Variants in C3orf49 observed in about 807,000 individuals in gnomAD.
The protein encoded by C3orf49 is chromosome 3 open reading frame 49, also known as putative uncharacterized protein C3orf49.
A neutral mutation model predicts 13.3 loss-of-function variants in C3orf49; 27 were observed. The ratio of observed to expected loss-of-function variants is 2.02; its 90% CI spans 1.49 to 2.79. The LOEUF is 2.79. Among genes scored for constraint, C3orf49 ranks in the 30% most tolerant of loss-of-function variants. The pLI is 0.00. For missense variants in C3orf49, 242 were observed against 134.2 expected, an observed-to-expected ratio of 1.80 and a Z score of -3.97; for synonymous variants, 87 against 47.6, an observed-to-expected ratio of 1.83 and a Z score of -3.40.
At chr3:63,810,676 G>A in the C3orf49 span, among the ~76,000 whole-genome samples, 1 of 152,152 alleles carries the variant, frequency 6.6e-6, no homozygotes, top group Non-Finnish European at 1.5e-5. Context: ...GCATTAAAGA[G>A]TGAATTGATT....
chr3:63,780,111 G>C, the C3orf49 span: 1 of 152,068 alleles, frequency 6.6e-6, no homozygotes, highest in African/African-American at 2.4e-5. Flanking sequence ...TTTAACATTA[G>C]GTATATCTCC....
upstream of C3orf49, among the ~76,000 whole-genome samples, chr3:63,815,542 C>A (rs553998247): frequency 3.9e-4 from 60 of 152,282 alleles, no homozygotes; most frequent in African/African-American, 1.4e-3. Context: ...CTCAGACATG[C>A]CTGGTTTGCA....
At chr3:63,817,099 C>T (rs943353736), upstream of C3orf49, among the ~76,000 whole-genome samples, 3 of 152,138 alleles carry the variant, frequency 2.0e-5, no homozygotes, top group African/African-American at 7.2e-5. Context: ...TTCAAAGACA[C>T]TGGGCTTCTT....
At chr3:63,812,638 G>A in the C3orf49 span, among the ~76,000 whole-genome samples, 45 of 151,986 alleles carry the variant, frequency 3.0e-4, no homozygotes, top group African/African-American at 1.1e-3. Flanking sequence ...TCCAATTCTA[G>A]AAGTGGTTGA....
intron 3 of C3orf49, among the ~76,000 whole-genome samples, chr3:63,828,533 C>G (rs1701494281): frequency 6.6e-6 from 1 of 152,172 alleles, no homozygotes; most frequent in Non-Finnish European, 1.5e-5. Context: ...CTCCTGGCCT[C>G]AAGTAATCCA....
intron 5 of C3orf49, 41 bp downstream of exon 5, chr3:63,831,885 C>T: frequency 1.5e-6 from 1 of 684,812 alleles, no homozygotes; most frequent in Non-Finnish European, 2.6e-6. Context: ...TGACTTTGTT[C>T]CTGATTCTTT....
At chr3:63,846,048 A>C in intron 6 of C3orf49, 1 of 222,906 alleles carries the variant, frequency 4.5e-6, no homozygotes, top group South Asian at 4.6e-5. Flanking sequence ...TCACCTTTTA[A>C]AAAGATTCAC....
chr3:63,821,623 A>C (rs1338611964), intron 1 of C3orf49, among the ~76,000 whole-genome samples: 1 of 152,200 alleles, frequency 6.6e-6, no homozygotes, highest in Non-Finnish European at 1.5e-5. Context: ...AGCAATAAAA[A>C]GATATGAACA....
chr3:63,819,092 G>A (rs1701362508), upstream of C3orf49, among the ~76,000 whole-genome samples: 1 of 151,386 alleles, frequency 6.6e-6, no homozygotes, highest in South Asian at 2.1e-4. Flanking sequence ...GTGTGTGGGT[G>A]TTTTTTGTTG....
the C3orf49 span, among the ~76,000 whole-genome samples, chr3:63,796,476 C>T: frequency 6.6e-6 from 1 of 152,132 alleles, no homozygotes; most frequent in African/African-American, 2.4e-5. Context: ...TTCTCCCACT[C>T]ACTCTTTGCT....
At chr3:63,791,122 T>C in the C3orf49 span, among the ~76,000 whole-genome samples, 1 of 152,126 alleles carries the variant, frequency 6.6e-6, no homozygotes, top group African/African-American at 2.4e-5. Context: ...TTCTGGGTGA[T>C]GGAAGCAGAA....
intron 5 of C3orf49, among the ~76,000 whole-genome samples, chr3:63,840,768 A>G (rs945672905): frequency 6.6e-6 from 1 of 152,238 alleles, no homozygotes; most frequent in Non-Finnish European, 1.5e-5. Context: ...TTTTTCAACT[A>G]TCAGATTGGC....
At chr3:63,789,794 G>A in the C3orf49 span, among the ~76,000 whole-genome samples, 3 of 121,088 alleles carry the variant, frequency 2.5e-5, no homozygotes, top group African/African-American at 9.5e-5. Flanking sequence ...CTGGGCGACA[G>A]AGCAAGACTC....
At chr3:63,819,056 G>A (rs1161726337), upstream of C3orf49, among the ~76,000 whole-genome samples, 1 of 152,156 alleles carries the variant, frequency 6.6e-6, no homozygotes, top group Non-Finnish European at 1.5e-5. Flanking sequence ...GTTCAAATAC[G>A]CACTTCTGAA....
At chr3:63,817,802 G>C (rs906436945), upstream of C3orf49, among the ~76,000 whole-genome samples, 3 of 152,018 alleles carry the variant, frequency 2.0e-5, no homozygotes, top group Non-Finnish European at 4.4e-5. Flanking sequence ...TGCACACACA[G>C]AGACATGTAC....
the C3orf49 span, among the ~76,000 whole-genome samples, chr3:63,794,946 T>C: frequency 6.6e-6 from 1 of 152,128 alleles, no homozygotes; most frequent in Non-Finnish European, 1.5e-5. Context: ...CCCCCCACCT[T>C]TTCTGCCCTG....
chr3:63,797,325 A>T, the C3orf49 span, among the ~76,000 whole-genome samples: 1 of 152,120 alleles, frequency 6.6e-6, no homozygotes, highest in Non-Finnish European at 1.5e-5. Context: ...TGAGTCCCAG[A>T]TAATATAAGG....
upstream of C3orf49, among the ~76,000 whole-genome samples, chr3:63,819,180 CTTG>C (rs150773599): frequency 3.1e-3 from 473 of 152,088 alleles, 3 homozygotes; most frequent in African/African-American, 0.011. Flanking sequence ...CTGTATTTGC[CTTG>C]TTCAAGAATC....
the C3orf49 span, among the ~76,000 whole-genome samples, chr3:63,785,331 C>T: frequency 1.3e-5 from 2 of 151,782 alleles, no homozygotes; most frequent in Non-Finnish European, 2.9e-5. Flanking sequence ...CACGGCCTCT[C>T]AAAGTGCTGG....
Sources: allele counts gnomAD v4.1 joint callset (sites outside exome capture counted in the v4.1 genomes callset), GRCh38; gene constraint gnomAD v4.1.1; transcripts MANE v1.5; gene names NCBI Gene and HGNC (gene_info 2026-07-23, HGNC 2026-07-21).